The following DSCAM variants were observed in gnomAD, a reference collection of about 807,000 sequenced individuals.
DSCAM encodes the protein cell adhesion molecule DSCAM.
A neutral mutation model predicts 217.7 loss-of-function variants in DSCAM; 47 were observed. The observed-to-expected ratio is 0.22, with a 90% CI of 0.17 to 0.28. The LOEUF is 0.28. DSCAM is among the 10% of genes least tolerant of loss of function. DSCAM has a pLI of 1.00. For synonymous variants in DSCAM, 1,056 were observed against 1,015.3 expected (o/e 1.04, Z -0.76); for missense variants, 2,080 against 2,618.3 (o/e 0.79, Z 4.49).
intron 16 of DSCAM, among the ~76,000 whole-genome samples, chr21:40,165,018 T>A (rs934906621): frequency 6.6e-6 from 1 of 152,132 alleles, no homozygotes; most frequent in Non-Finnish European, 1.5e-5. Flanking sequence ...AGCTATTTCC[T>A]CCTTTACCCT....
intron 3 of DSCAM, among the ~76,000 whole-genome samples, chr21:40,635,363 A>C (rs1158210244): frequency 2.6e-5 from 4 of 152,184 alleles, no homozygotes; most frequent in African/African-American, 4.8e-5. Context: ...CCTGCTAGGG[A>C]ACTTCAAGAA....
intron 1 of DSCAM, among the ~76,000 whole-genome samples, chr21:40,740,219 A>G (rs1247018394): frequency 6.6e-6 from 1 of 152,178 alleles, no homozygotes; most frequent in African/African-American, 2.4e-5. Context: ...GAGATTTGAA[A>G]TGTGAAGTTT....
intron 15 of DSCAM, among the ~76,000 whole-genome samples, chr21:40,168,827 C>T (rs1383958193): frequency 6.6e-6 from 1 of 152,010 alleles, no homozygotes; most frequent in Non-Finnish European, 1.5e-5. Flanking sequence ...TTTTTCTGTC[C>T]AAGTTCACAT....
chr21:40,613,661 A>G (rs2089346524), intron 3 of DSCAM, among the ~76,000 whole-genome samples: 1 of 152,176 alleles, frequency 6.6e-6, no homozygotes, highest in Non-Finnish European at 1.5e-5. Flanking sequence ...ACGAGCTATT[A>G]CAGCCCACTT....
At chr21:40,633,092 G>C (rs1159844104) in intron 3 of DSCAM, among the ~76,000 whole-genome samples, 1 of 152,074 alleles carries the variant, frequency 6.6e-6, no homozygotes, top group Non-Finnish European at 1.5e-5. Flanking sequence ...ACCCCCTTTA[G>C]GTTGTTTACT....
chr21:40,179,202 A>AAAAAAAAAAAAAC, intron 14 of DSCAM, 108 bp from the exon 15 acceptor site: 1 of 1,079,006 alleles, frequency 9.3e-7, no homozygotes, highest in South Asian at 1.7e-5. Context: ...AAAAAAAAAA[A>AAAAAAAAAAAAAC]AAAAAAAGAC....
intron 8 of DSCAM, among the ~76,000 whole-genome samples, chr21:40,337,685 C>T (rs150368322): frequency 5.3e-5 from 8 of 152,266 alleles, no homozygotes; most frequent in South Asian, 2.1e-4. Context: ...GAAGATAAGA[C>T]GTTTGTTTGA....
At chr21:40,072,241 T>C (rs904681227) in intron 27 of DSCAM, among the ~76,000 whole-genome samples, 4 of 152,212 alleles carry the variant, frequency 2.6e-5, no homozygotes, top group Non-Finnish European at 5.9e-5. Context: ...CTACAGTGGT[T>C]TGTCAAACTG....
chr21:40,769,177 A>G (rs575667509), intron 1 of DSCAM, among the ~76,000 whole-genome samples: 8 of 151,024 alleles, frequency 5.3e-5, no homozygotes, highest in Non-Finnish European at 1.2e-4. Flanking sequence ...ACTGCAGGGA[A>G]CATTCCAGAA....
intron 18 of DSCAM, among the ~76,000 whole-genome samples, chr21:40,137,622 C>T (rs975550060): frequency 2.3e-5 from 3 of 130,606 alleles, no homozygotes; most frequent in Non-Finnish European, 5.0e-5. Flanking sequence ...CACACACACA[C>T]ACACACACAC....
At chr21:40,283,481 C>A (rs1051548727) in intron 10 of DSCAM, among the ~76,000 whole-genome samples, 1 of 152,166 alleles carries the variant, frequency 6.6e-6, no homozygotes, top group African/African-American at 2.4e-5. Context: ...TAGCTGTGTT[C>A]ACAGGGACTG....
At chr21:40,120,363 GA>G (rs2090020309) in intron 20 of DSCAM, among the ~76,000 whole-genome samples, 1 of 152,168 alleles carries the variant, frequency 6.6e-6, no homozygotes, top group Non-Finnish European at 1.5e-5. Flanking sequence ...TTAGCATTGT[GA>G]AACAGACAAT....
intron 3 of DSCAM, among the ~76,000 whole-genome samples, chr21:40,586,010 C>T (rs1400070990): frequency 2.0e-5 from 3 of 152,182 alleles, no homozygotes; most frequent in Non-Finnish European, 4.4e-5. Flanking sequence ...GTGCCCACCA[C>T]CACACCCAGC....
chr21:40,844,737 G>A (rs1274841311), intron 1 of DSCAM, among the ~76,000 whole-genome samples: 3 of 151,994 alleles, frequency 2.0e-5, no homozygotes, highest in Non-Finnish European at 2.9e-5. Context: ...CACACATATA[G>A]CATCTCTGTA....
intron 32 of DSCAM, among the ~76,000 whole-genome samples, chr21:40,021,205 C>CAAAAAAAAAAAAAAAA (rs763435750): frequency 1.2e-5 from 1 of 85,082 alleles, no homozygotes; most frequent in Admixed American, 1.4e-4. Flanking sequence ...GACTCCGTCT[C>CAAAAAAAAAAAAAAAA]AAAAAAAAAA....
chr21:40,136,602 T>C (rs972841981), intron 18 of DSCAM, among the ~76,000 whole-genome samples: 7 of 152,188 alleles, frequency 4.6e-5, no homozygotes, highest in African/African-American at 1.2e-4. Context: ...CCTACAGATA[T>C]ATACACACGC....
chr21:40,776,502 C>A (rs1433717735), intron 1 of DSCAM, among the ~76,000 whole-genome samples: 2 of 152,094 alleles, frequency 1.3e-5, no homozygotes, highest in African/African-American at 2.4e-5. Context: ...GTAAATTGAT[C>A]TATTAGGAGG....
chr21:40,488,968 T>C (rs1216527190), intron 3 of DSCAM, among the ~76,000 whole-genome samples: 1 of 152,208 alleles, frequency 6.6e-6, no homozygotes, highest in African/African-American at 2.4e-5. Flanking sequence ...AATCCTCATG[T>C]ATAATAGGAT....
intron 3 of DSCAM, among the ~76,000 whole-genome samples, chr21:40,678,573 C>T (rs537629027): frequency 6.6e-6 from 1 of 152,260 alleles, no homozygotes; most frequent in South Asian, 2.1e-4. Context: ...TTTTTGCCAT[C>T]CCTTTCCCCC....
Sources: gnomAD v4.1 joint callset for allele counts (sites outside exome capture counted in the v4.1 genomes callset) on GRCh38, gnomAD v4.1.1 for gene constraint, MANE v1.5 for transcripts, NCBI Gene and HGNC (gene_info 2026-07-23, HGNC 2026-07-21) for gene names.